The following ASAH2 variants were observed in gnomAD, a reference collection of about 807,000 sequenced individuals.
The protein encoded by ASAH2 is neutral ceramidase.
In ASAH2, 58 loss-of-function variants were observed where a neutral mutation model predicts 82.9. The observed-to-expected ratio is 0.70, with a 90% CI of 0.57 to 0.87. The LOEUF (loss-of-function observed/expected upper bound fraction) is 0.87. Ranked by LOEUF, ASAH2 falls within the 40% of genes least tolerant of loss-of-function variation. The probability of loss-of-function intolerance (pLI) is 0.00; values close to 1 mark genes in which losing one functional copy is unlikely to be tolerated. For missense variants in ASAH2, 779 were observed against 834.0 expected, an observed-to-expected ratio of 0.93 and a Z score of 0.81; for synonymous variants, 276 against 289.7, an observed-to-expected ratio of 0.95 and a Z score of 0.48.
chr10:50,205,895 G>T, intron 13 of ASAH2, 87 bp downstream of exon 13: 1 of 1,070,508 alleles, frequency 9.3e-7, no homozygotes, highest in Non-Finnish European at 1.5e-6. Context: ...TCCCATCTCA[G>T]TAGATATCTA....
chr10:50,210,886 C>T lies in ASAH2; in HGVS notation c.1351G>A (p.Ala451Thr). Residue 451 changes from alanine (A) to threonine (T), a missense_variant, in exon 12 of 21, where the codon GCA becomes ACA. By Grantham distance (58) the Ala-to-Thr change is moderately conservative. Transcript: ENST00000682911. ...STHASKTCKPALGYSFAAGTI... is the reference protein window; with the variant it reads ...STHASKTCKPTLGYSFAAGTI... ...CCAGCTGCAAAACTGTAGCCCAATG[C>T]TGGTTTACATGTTTTTGACTAAAGG... 1 of 1,613,544 alleles carries T rather than the reference C, an allele frequency of 6.2e-7. No individual in the cohort carries two copies. The highest frequency in any genetic ancestry group is 8.5e-7 in the Non-Finnish European group (1 of 1,179,542).
intron 7 of ASAH2, among the ~76,000 whole-genome samples, chr10:50,220,836 CAAAAAAAA>C (rs1206033397): frequency 9.2e-5 from 7 of 76,202 alleles, no homozygotes; most frequent in Non-Finnish European, 1.1e-4. Flanking sequence ...ATACTCTAGC[CAAAAAAAA>C]AAAAAAAAAA....
intron 7 of ASAH2, among the ~76,000 whole-genome samples, chr10:50,220,754 G>A (rs1038489638): frequency 3.6e-5 from 5 of 139,734 alleles, no homozygotes; most frequent in Non-Finnish European, 7.6e-5. Context: ...ACCCGCAAAT[G>A]TACTCCTGAA....
intron 12 of ASAH2, among the ~76,000 whole-genome samples, chr10:50,209,811 G>A (rs1404516113): frequency 1.3e-5 from 2 of 152,044 alleles, no homozygotes; most frequent in African/African-American, 2.4e-5. Flanking sequence ...AATTATTAGG[G>A]AAATGCAAAT....
At chr10:50,243,676 C>T (rs753719851) in intron 3 of ASAH2, among the ~76,000 whole-genome samples, 8 of 152,166 alleles carry the variant, frequency 5.3e-5, no homozygotes, top group African/African-American at 7.2e-5. Flanking sequence ...AACACTAACA[C>T]GAGAGATCTT....
chr10:50,205,556 A>T (rs975178172), intron 13 of ASAH2, among the ~76,000 whole-genome samples: 11 of 152,176 alleles, frequency 7.2e-5, no homozygotes, highest in South Asian at 2.1e-4. Context: ...GTTTCAAAGG[A>T]GTGTAAAAGA....
intron 15 of ASAH2, among the ~76,000 whole-genome samples, chr10:50,203,297 G>A (rs1195841425): frequency 1.3e-5 from 2 of 151,844 alleles, no homozygotes; most frequent in African/African-American, 4.8e-5. Flanking sequence ...TCAAAATACA[G>A]CACAGATAAA....
intron 4 of ASAH2, among the ~76,000 whole-genome samples, chr10:50,242,058 G>T (rs1271084238): frequency 6.6e-6 from 1 of 151,998 alleles, no homozygotes; most frequent in Non-Finnish European, 1.5e-5. Context: ...AAAAGAATGT[G>T]GACTCTGGGA....
intron 10 of ASAH2, 148 bp downstream of exon 10, chr10:50,212,824 A>G: frequency 1.3e-6 from 1 of 791,382 alleles, no homozygotes. Context: ...TGCAAAGGCC[A>G]CCTCCCAAGC....
At chr10:50,229,906 A>C (rs1018979746) in intron 7 of ASAH2, among the ~76,000 whole-genome samples, 15 of 152,192 alleles carry the variant, frequency 9.9e-5, no homozygotes, top group Non-Finnish European at 1.9e-4. Flanking sequence ...ATAATTTTAC[A>C]TGTATTGTAT....
intron 2 of ASAH2, among the ~76,000 whole-genome samples, chr10:50,245,845 C>T (rs1262562863): frequency 6.6e-6 from 1 of 152,140 alleles, no homozygotes; most frequent in Non-Finnish European, 1.5e-5. Flanking sequence ...CTCCTTTCCT[C>T]TCCATCTACC....
In ASAH2 at chr10:50,211,143, C is replaced by T. The variant is rs1471886183; in HGVS notation, c.1228-9G>A. ...GCAGAGGCATAGAGTTCCTAGAAAA[C>T]ACACAGGCTTATTATTCCAAGCAAA... On this transcript the variant is annotated splice_polypyrimidine_tract_variant and intron_variant, in intron 10 of 20. Coordinates refer to ENST00000682911, the MANE Select transcript of ASAH2 (RefSeq NM_019893.4). 5.6e-6 allele frequency: 9 copies of T among 1,597,104 alleles called. No homozygotes were observed. The African/African-American group carries it at 1.1e-4, about 19-fold the overall frequency.
chr10:50,244,918 T>A (rs1265053932), intron 3 of ASAH2, among the ~76,000 whole-genome samples: 1 of 152,078 alleles, frequency 6.6e-6, no homozygotes, highest in Non-Finnish European at 1.5e-5. Context: ...ATTTCTTATG[T>A]TACACTGGCC....
intron 12 of ASAH2, among the ~76,000 whole-genome samples, chr10:50,210,034 A>G (rs1014276954): frequency 1.4e-4 from 22 of 152,202 alleles, no homozygotes; most frequent in Non-Finnish European, 3.1e-4. Flanking sequence ...ACTCCTAGAT[A>G]TATACCCAAG....
chr10:50,213,581 A>G (rs1845518581), intron 9 of ASAH2, among the ~76,000 whole-genome samples: 2 of 152,172 alleles, frequency 1.3e-5, no homozygotes, highest in South Asian at 4.1e-4. Flanking sequence ...GGAATCAAAA[A>G]ATTACTAAAA....
rs1333761420 is a variant in ASAH2 at position 50,203,656 on chromosome 10, C to G, written c.1649G>C (p.Arg550Pro). Residue 550 changes from arginine (R) to proline (P), a missense_variant, in exon 15 of 21, where the codon CGA becomes CCA. Physicochemically the swap from Arg to Pro is moderately radical, Grantham distance 103. Around this residue, in one of 3 missense-constraint regions of ASAH2, gnomAD observed 759 missense variants for 755.2 expected, o/e 1.00. Transcript: ENST00000682911. ...EFTTMSGRRL[R>P]EAVQAEFASH... ...TTAACTTACTGCTTGAACTGCCTCT[C>G]GAAGTCTTCGTCCAGACATGGTCCT... is the stretch of plus-strand genomic sequence containing the variant. 6.2e-7 allele frequency: 1 copy of G among 1,612,490 alleles called. No homozygotes were observed.
At chr10:50,247,866 T>C (rs2813306) in intron 2 of ASAH2, among the ~76,000 whole-genome samples, 44,549 of 151,850 alleles carry the variant, frequency 0.29, 6,787 homozygotes, top group Non-Finnish European at 0.31. Context: ...ATCTAAAAAT[T>C]CCAATTTCCA....
chr10:50,201,553 G>A (rs1845148288), intron 16 of ASAH2, among the ~76,000 whole-genome samples: 1 of 152,034 alleles, frequency 6.6e-6, no homozygotes, highest in East Asian at 1.9e-4. Context: ...CCACACCCCT[G>A]TTGCACATAC....
rs962801054 is a variant in ASAH2, at chr10:50,226,293, T to G, written c.893+6891A>C. On this transcript the variant is annotated intron_variant, in intron 7 of 20. Coordinates refer to ENST00000682911, the MANE Select transcript of ASAH2 (RefSeq NM_019893.4). ...AGGTATTGCTAAATTAAAAATAGAGTTAACAAACTGTAAATATAATAAAAT... is the reference window on the plus strand; with the variant it reads ...AGGTATTGCTAAATTAAAAATAGAGGTAACAAACTGTAAATATAATAAAAT... 2.5e-3 allele frequency among the ~76,000 whole-genome samples: 383 copies of G among 152,104 alleles called. 2 individuals are homozygous for G. The highest frequency in any genetic ancestry group is 0.012 in the South Asian group (59 of 4,824).
Sources: allele counts gnomAD v4.1 joint callset (sites outside exome capture counted in the v4.1 genomes callset), GRCh38; gene constraint gnomAD v4.1.1; regional missense constraint gnomAD v4.1.1; transcripts MANE v1.5; gene names NCBI Gene and HGNC (gene_info 2026-07-23, HGNC 2026-07-21).